The following MTHFD1L variants were observed in gnomAD, a reference collection of about 807,000 sequenced individuals.
MTHFD1L encodes monofunctional C1-tetrahydrofolate synthase, mitochondrial.
In MTHFD1L, 81 loss-of-function variants were observed where a neutral mutation model predicts 119.5. That is an observed-to-expected ratio of 0.68 (90% CI 0.57 to 0.82). MTHFD1L has a LOEUF of 0.82. MTHFD1L is among the 40% of genes least tolerant of loss of function. The pLI is 0.00. For missense variants in MTHFD1L, 1,125 were observed against 1,253.4 expected, an observed-to-expected ratio of 0.90 and a Z score of 1.55; for synonymous variants, 430 against 475.2, an observed-to-expected ratio of 0.90 and a Z score of 1.24.
chr6:150,971,938 C>T lies in MTHFD1L; in HGVS notation c.2014-9C>T, dbSNP rs761971905. On this transcript the variant is annotated splice_polypyrimidine_tract_variant and intron_variant, in intron 19 of 27. Transcript: ENST00000367321. ...TTTGGGATTTTGATTTGCTTTTTCACTTCTCTAGGGGACACCTGTGTTCGT... is the reference window on the plus strand; with the variant it reads ...TTTGGGATTTTGATTTGCTTTTTCATTTCTCTAGGGGACACCTGTGTTCGT... 6.2e-7 allele frequency: 1 copy of T among 1,607,944 alleles called. No individual in the cohort carries two copies. The highest frequency in any genetic ancestry group is 1.1e-5 in the South Asian group (1 of 88,998).
intron 27 of MTHFD1L, chr6:151,099,859 G>A (rs1381091855): frequency 1.8e-5 from 28 of 1,590,524 alleles, no homozygotes; most frequent in East Asian, 6.7e-5. Context: ...CAAAGCCATC[G>A]TGGAAAGAGC....
At position 151,068,288 on chromosome 6, in the gene MTHFD1L, G is replaced by A. The variant is rs754233475; in HGVS notation, c.2848-24179G>A. 2.6e-5 allele frequency among the ~76,000 whole-genome samples: 4 copies of A among 152,236 alleles called. 1 individual carries two copies. Among genetic ancestry groups the A allele is most frequent in the Admixed American group, 1.3e-4 (2 of 15,280 alleles). Reference sequence around the variant, plus strand: ...TGGAACAGCCACATTGTGATTTTGCGGGCCTGAAGCCTTTCGTCTGGTGAC... The same window carrying A: ...TGGAACAGCCACATTGTGATTTTGCAGGCCTGAAGCCTTTCGTCTGGTGAC... On this transcript the variant is annotated intron_variant, in intron 26 of 27. Coordinates refer to ENST00000367321, the MANE Select transcript of MTHFD1L (RefSeq NM_015440.5).
At chr6:150,993,656 T>G (rs2128448980) in intron 20 of MTHFD1L, among the ~76,000 whole-genome samples, 1 of 152,224 alleles carries the variant, frequency 6.6e-6, no homozygotes, top group South Asian at 2.1e-4. Context: ...GGAAAGCTCC[T>G]GGATTCCTGC....
At chr6:151,078,486 T>C (rs576009964) in intron 26 of MTHFD1L, among the ~76,000 whole-genome samples, 9 of 152,322 alleles carry the variant, frequency 5.9e-5, no homozygotes, top group African/African-American at 2.2e-4. Context: ...CTGGGTCAGC[T>C]TAGCTGGGTT....
intron 26 of MTHFD1L, among the ~76,000 whole-genome samples, chr6:151,041,535 A>G (rs1787105846): frequency 1.3e-5 from 2 of 152,156 alleles, no homozygotes; most frequent in African/African-American, 2.4e-5. Flanking sequence ...CTCCAGAAAG[A>G]TAGTCCAAAC....
intron 21 of MTHFD1L, among the ~76,000 whole-genome samples, chr6:151,012,051 A>AAAAAAAAAAAAAAAAAAAAAAAAAAC (rs1782351135): frequency 6.8e-6 from 1 of 146,214 alleles, no homozygotes. Flanking sequence ...AAAAAAAAAA[A>AAAAAAAAAAAAAAAAAAAAAAAAAAC]CCAGCAGGGA....
chr6:151,011,954 T>C (rs1248082096), intron 21 of MTHFD1L, among the ~76,000 whole-genome samples: 4 of 140,500 alleles, frequency 2.8e-5, no homozygotes, highest in Admixed American at 1.6e-4. Flanking sequence ...TGATCTGAGA[T>C]TGCACCATTG....
At position 150,960,326 on chromosome 6, in the gene MTHFD1L, A is replaced by T; in HGVS notation, c.1855A>T (p.Thr619Ser). 6.2e-7 allele frequency: 1 copy of T among 1,614,072 alleles called. No individual in the cohort carries two copies. ...ASEIMAVLALTDSLADMKARL... is the reference protein window; with the variant it reads ...ASEIMAVLALSDSLADMKARL... ...CGAGATCATGGCGGTGCTGGCCCTG[A>T]CGGACAGCCTCGCAGACATGAAGGC... The change falls in exon 18 of 28, where the codon ACG becomes TCG. Residue 619 changes from threonine to serine, a missense_variant. Thr to Ser is a moderately conservative substitution (Grantham distance 58). Around this residue, in one of 3 missense-constraint regions of MTHFD1L, gnomAD observed 1,058 missense variants for 1,151.2 expected, o/e 0.92. Coordinates refer to ENST00000367321, the MANE Select transcript of MTHFD1L (RefSeq NM_015440.5).
intron 26 of MTHFD1L, among the ~76,000 whole-genome samples, chr6:151,048,843 C>A (rs1406168888): frequency 6.6e-6 from 1 of 152,220 alleles, no homozygotes; most frequent in African/African-American, 2.4e-5. Flanking sequence ...AACAATAGCA[C>A]GCTTCTGTGG....
In MTHFD1L at chr6:150,995,688, C is replaced by T. The variant is rs529380358; in HGVS notation, c.2126-14131C>T. 2.3e-4 allele frequency among the ~76,000 whole-genome samples: 35 copies of T among 151,866 alleles called. 1 individual carries two copies. The South Asian group carries it at 6.0e-3, about 26-fold the overall frequency. ...ATAACATATTTCTTTTGTTTTGAGA[C>T]GGAGTTTTGCTCTTGTTGCCCAGGC... On this transcript the variant is annotated intron_variant, in intron 20 of 27. Coordinates refer to ENST00000367321, the MANE Select transcript of MTHFD1L (RefSeq NM_015440.5).
chr6:151,004,318 C>T (rs944724705), intron 20 of MTHFD1L, among the ~76,000 whole-genome samples: 6 of 152,126 alleles, frequency 3.9e-5, no homozygotes, highest in African/African-American at 1.2e-4. Context: ...GAATGAGACT[C>T]CATCTCAAAA....
chr6:150,998,995 A>AAAAAAAAAATTGTATATATAT (rs986639098), intron 20 of MTHFD1L, among the ~76,000 whole-genome samples: 1 of 143,586 alleles, frequency 7.0e-6, no homozygotes, highest in Non-Finnish European at 1.5e-5. Flanking sequence ...GTCTTAAAAA[A>AAAAAAAAAATTGTATATATAT]ATATATATAC....
In MTHFD1L at chr6:151,087,453, T is replaced by C. The variant is rs79418927; in HGVS notation, c.2848-5014T>C. On this transcript the variant is annotated intron_variant, in intron 26 of 27. Transcript: ENST00000367321. ...ATGAACTGTAGGAACAAAATAGATA[T>C]GTGTAAAAATGCTGCTCCTTTTCTG... is the stretch of plus-strand genomic sequence containing the variant. Among the ~76,000 whole-genome samples, 1,613 of 152,212 alleles carry C rather than the reference T, an allele frequency of 0.011. 55 individuals carry two copies. In the South Asian group the frequency reaches 0.12, roughly 11 times the overall value.
Position 150,927,566 on chromosome 6 carries a change from C to T in MTHFD1L, c.1256+1271C>T, listed in dbSNP as rs1041951230. Among the ~76,000 whole-genome samples, 23 of 151,208 alleles carry T rather than the reference C, an allele frequency of 1.5e-4. No individual in the cohort carries two copies. The Admixed American group carries it at 1.5e-3, about 10-fold the overall frequency. ...CTGCCTCCCGGGTTCAAGCGATTCTCCTGCCTCAGCCTCCCGAGTAGCTGG... is the reference window on the plus strand; with the variant it reads ...CTGCCTCCCGGGTTCAAGCGATTCTTCTGCCTCAGCCTCCCGAGTAGCTGG... On this transcript the variant is annotated intron_variant, in intron 11 of 27. Transcript: ENST00000367321.
At chr6:151,095,929 G>A (rs1794860457) in intron 27 of MTHFD1L, among the ~76,000 whole-genome samples, 1 of 152,232 alleles carries the variant, frequency 6.6e-6, no homozygotes, top group Non-Finnish European at 1.5e-5. Context: ...TAGTATTTTT[G>A]TTGAAGAGCT....
chr6:151,002,663 G>A (rs11962874), intron 20 of MTHFD1L, among the ~76,000 whole-genome samples: 3,220 of 152,246 alleles, frequency 0.021, 110 homozygotes, highest in African/African-American at 0.074. Context: ...TCCCAACCAC[G>A]CTGGACGGAA....
intron 26 of MTHFD1L, chr6:151,055,867 T>C (rs1178590380): frequency 6.6e-6 from 1 of 152,238 alleles, no homozygotes; most frequent in Non-Finnish European, 1.5e-5. Context: ...TCCTATCAGT[T>C]ACTGTAAGTA....
At chr6:150,946,232 C>A (rs1278469835) in intron 15 of MTHFD1L, among the ~76,000 whole-genome samples, 3 of 152,162 alleles carry the variant, frequency 2.0e-5, no homozygotes, top group Admixed American at 2.0e-4. Flanking sequence ...TCACTGCAAC[C>A]TCTGCCTTCC....
At chr6:150,967,781 C>T (rs1460428417) in intron 19 of MTHFD1L, among the ~76,000 whole-genome samples, 8 of 152,268 alleles carry the variant, frequency 5.3e-5, no homozygotes, top group Non-Finnish European at 1.0e-4. Flanking sequence ...CCCACCTGCA[C>T]GAGTGCAGCA....
Sources: gnomAD v4.1 joint callset for allele counts (sites outside exome capture counted in the v4.1 genomes callset) on GRCh38, gnomAD v4.1.1 for gene constraint, gnomAD v4.1.1 regional missense constraint, MANE v1.5 for transcripts, NCBI Gene and HGNC (gene_info 2026-07-23, HGNC 2026-07-21) for gene names.